The following RAD51B variants were observed in gnomAD, a reference collection of about 807,000 sequenced individuals.
The protein encoded by RAD51B is DNA repair protein RAD51 homolog 2.
In RAD51B, 38 loss-of-function variants were observed where a neutral mutation model predicts 42.2. The observed-to-expected ratio is 0.90, with a 90% CI of 0.70 to 1.18. The LOEUF is 1.18. Among genes scored for constraint, RAD51B ranks in the 50% most tolerant of loss-of-function variants. RAD51B has a pLI of 0.00. For synonymous variants in RAD51B, 154 were observed against 145.2 expected (o/e 1.06, Z -0.43); for missense variants, 373 against 400.7 (o/e 0.93, Z 0.59).
At chr14:68,052,759 T>A (rs548169179) in intron 7 of RAD51B, among the ~76,000 whole-genome samples, 1 of 151,990 alleles carries the variant, frequency 6.6e-6, no homozygotes, top group East Asian at 1.9e-4. Flanking sequence ...TAGCTGGGAC[T>A]ATGGGTGTGT....
At chr14:68,367,869 CAA>C (rs1305000152) in intron 8 of RAD51B, among the ~76,000 whole-genome samples, 1 of 152,158 alleles carries the variant, frequency 6.6e-6, no homozygotes, top group Non-Finnish European at 1.5e-5. Context: ...AAAAGGGAAA[CAA>C]GAGAAAGCTT....
At chr14:68,285,394 A>C (rs1162364444) in intron 7 of RAD51B, among the ~76,000 whole-genome samples, 1 of 152,218 alleles carries the variant, frequency 6.6e-6, no homozygotes, top group East Asian at 1.9e-4. Context: ...TTTTTAGTAC[A>C]AAAAGGAAAA....
At chr14:68,316,529 A>C (rs563990074) in intron 8 of RAD51B, among the ~76,000 whole-genome samples, 6 of 152,262 alleles carry the variant, frequency 3.9e-5, no homozygotes, top group Non-Finnish European at 7.4e-5. Flanking sequence ...GACTGGTTTG[A>C]CCTGTGGGTG....
chr14:68,324,143 A>T (rs909504868), intron 8 of RAD51B, among the ~76,000 whole-genome samples: 7 of 152,214 alleles, frequency 4.6e-5, no homozygotes, highest in African/African-American at 1.4e-4. Flanking sequence ...GCATATTAAT[A>T]AATGGTATGT....
At chr14:68,459,431 G>A (rs889527477) in intron 9 of RAD51B, among the ~76,000 whole-genome samples, 2 of 152,218 alleles carry the variant, frequency 1.3e-5, no homozygotes, top group African/African-American at 4.8e-5. Flanking sequence ...GGAAAGGTTT[G>A]TTTAACTTAC....
intron 10 of RAD51B, among the ~76,000 whole-genome samples, chr14:68,578,514 C>T (rs1890066870): frequency 6.6e-6 from 1 of 152,238 alleles, no homozygotes; most frequent in African/African-American, 2.4e-5. Context: ...CGGCCCACCT[C>T]ACACATGACT....
intron 7 of RAD51B, among the ~76,000 whole-genome samples, chr14:67,927,937 C>T (rs936963473): frequency 4.2e-4 from 64 of 151,744 alleles, no homozygotes; most frequent in African/African-American, 1.5e-3. Flanking sequence ...TTCCATTTAT[C>T]TTCATCAGGG....
At chr14:68,156,476 T>TCTCG (rs1566689147) in intron 7 of RAD51B, among the ~76,000 whole-genome samples, 1 of 150,970 alleles carries the variant, frequency 6.6e-6, no homozygotes, top group African/African-American at 2.4e-5. Flanking sequence ...TCTCTCTCTC[T>TCTCG]CTCTCTCTCT....
At chr14:68,153,527 C>T (rs1413204592) in intron 7 of RAD51B, among the ~76,000 whole-genome samples, 2 of 152,098 alleles carry the variant, frequency 1.3e-5, no homozygotes, top group Non-Finnish European at 2.9e-5. Flanking sequence ...TAATAATAGC[C>T]ATTCTGACTT....
chr14:68,348,709 C>T (rs535233064), intron 8 of RAD51B, among the ~76,000 whole-genome samples: 1 of 152,168 alleles, frequency 6.6e-6, no homozygotes, highest in African/African-American at 2.4e-5. Flanking sequence ...ACCATCCTGG[C>T]TAACAGGGTG....
intron 7 of RAD51B, among the ~76,000 whole-genome samples, chr14:68,250,171 T>G (rs565723053): frequency 1.5e-4 from 23 of 152,378 alleles, no homozygotes; most frequent in African/African-American, 5.0e-4. Flanking sequence ...ATTATTTATT[T>G]AAGATATTTT....
At chr14:68,572,887 A>T (rs147939402) in intron 10 of RAD51B, among the ~76,000 whole-genome samples, 59 of 152,246 alleles carry the variant, frequency 3.9e-4, no homozygotes, top group African/African-American at 1.4e-3. Context: ...TTTAATCCTC[A>T]TCACAACCCT....
intron 7 of RAD51B, among the ~76,000 whole-genome samples, chr14:68,158,708 C>T (rs889273289): frequency 3.9e-5 from 6 of 152,234 alleles, no homozygotes; most frequent in South Asian, 4.1e-4. Flanking sequence ...TGAAAGAACA[C>T]GGGAAGTCAG....
intron 5 of RAD51B, among the ~76,000 whole-genome samples, chr14:67,881,300 A>G (rs2042898536): frequency 6.6e-6 from 1 of 152,224 alleles, no homozygotes; most frequent in African/African-American, 2.4e-5. Flanking sequence ...CCCAATGCCC[A>G]GTGTATAATA....
intron 8 of RAD51B, among the ~76,000 whole-genome samples, chr14:68,397,577 G>A (rs1236709757): frequency 6.6e-6 from 1 of 152,214 alleles, no homozygotes; most frequent in Non-Finnish European, 1.5e-5. Context: ...AAACTTGTGA[G>A]CTGCGAATTC....
At chr14:68,141,702 CAAT>C (rs1159831538) in intron 7 of RAD51B, among the ~76,000 whole-genome samples, 7 of 152,096 alleles carry the variant, frequency 4.6e-5, no homozygotes, top group Non-Finnish European at 8.8e-5. Context: ...TTCGACACAA[CAAT>C]GATGATGTCA....
chr14:68,140,575 A>G (rs1037100153), intron 7 of RAD51B, among the ~76,000 whole-genome samples: 1 of 152,078 alleles, frequency 6.6e-6, no homozygotes, highest in African/African-American at 2.4e-5. Context: ...ATTTTACCCT[A>G]CTCTCTAAAA....
chr14:68,140,221 A>T (rs1362415112), intron 7 of RAD51B, among the ~76,000 whole-genome samples: 1 of 152,238 alleles, frequency 6.6e-6, no homozygotes, highest in Non-Finnish European at 1.5e-5. Context: ...ACACAAGACC[A>T]AACACTGAAG....
intron 8 of RAD51B, among the ~76,000 whole-genome samples, chr14:68,356,778 G>A (rs1227409828): frequency 1.3e-5 from 2 of 151,528 alleles, no homozygotes; most frequent in African/African-American, 2.4e-5. Flanking sequence ...TCAGGAGATC[G>A]AGACCATCCC....
Sources: allele counts gnomAD v4.1 joint callset (sites outside exome capture counted in the v4.1 genomes callset), GRCh38; gene constraint gnomAD v4.1.1; transcripts MANE v1.5; gene names NCBI Gene and HGNC (gene_info 2026-07-23, HGNC 2026-07-21).